The following GPHN variants were observed in gnomAD, a reference collection of about 807,000 sequenced individuals.
The protein encoded by GPHN is gephyrin.
In GPHN, 17 loss-of-function variants were observed where a neutral mutation model predicts 95.5. The ratio of observed to expected loss-of-function variants is 0.18; its 90% CI spans 0.12 to 0.27. The LOEUF (loss-of-function observed/expected upper bound fraction) is 0.27. GPHN is among the 10% of genes least tolerant of loss of function. The pLI is 1.00. For missense variants in GPHN, 660 were observed against 978.1 expected, an observed-to-expected ratio of 0.67 and a Z score of 4.34; for synonymous variants, 320 against 322.5, an observed-to-expected ratio of 0.99 and a Z score of 0.08.
chr14:66,642,813 G>C (rs2064499718), intron 1 of GPHN, among the ~76,000 whole-genome samples: 1 of 151,950 alleles, frequency 6.6e-6, no homozygotes, highest in East Asian at 1.9e-4. Context: ...TAGAAAATAT[G>C]CTTATTGACA....
At chr14:66,695,413 C>G (rs2068047007) in intron 2 of GPHN, among the ~76,000 whole-genome samples, 1 of 152,194 alleles carries the variant, frequency 6.6e-6, no homozygotes, top group Non-Finnish European at 1.5e-5. Flanking sequence ...GCAAGAAACT[C>G]TCATTAATTG....
chr14:67,085,527 A>G (rs2076849843), intron 11 of GPHN, among the ~76,000 whole-genome samples: 1 of 152,204 alleles, frequency 6.6e-6, no homozygotes, highest in South Asian at 2.1e-4. Flanking sequence ...AACTTAGCAT[A>G]TTAAATATAA....
chr14:66,961,935 TATATATATATATAC>T (rs1477515176), intron 8 of GPHN, among the ~76,000 whole-genome samples: 198 of 82,286 alleles, frequency 2.4e-3, no homozygotes, highest in African/African-American at 0.019. Context: ...TATATATATA[TATATATATATATAC>T]ACATATCTCC....
chr14:67,549,176 T>A, the GPHN span, among the ~76,000 whole-genome samples: 2 of 152,204 alleles, frequency 1.3e-5, no homozygotes, highest in African/African-American at 4.8e-5. Flanking sequence ...CAGGTCTTTG[T>A]GCTCACAGAT....
chr14:67,367,225 A>G, the GPHN span, among the ~76,000 whole-genome samples: 1 of 152,182 alleles, frequency 6.6e-6, no homozygotes. Flanking sequence ...TGCTAAAACA[A>G]AAAATCTATA....
At chr14:66,837,338 G>T (rs1374199337) in intron 4 of GPHN, among the ~76,000 whole-genome samples, 1 of 149,716 alleles carries the variant, frequency 6.7e-6, no homozygotes, top group African/African-American at 2.5e-5. Context: ...GTAAACTATC[G>T]CAAGAACAAA....
At chr14:66,715,163 T>C (rs1014230775) in intron 2 of GPHN, among the ~76,000 whole-genome samples, 5 of 152,196 alleles carry the variant, frequency 3.3e-5, no homozygotes, top group African/African-American at 1.2e-4. Context: ...CTGCTTGTTA[T>C]TGGTCTGTTC....
At chr14:66,850,638 T>G (rs1437708278) in intron 4 of GPHN, among the ~76,000 whole-genome samples, 1 of 152,108 alleles carries the variant, frequency 6.6e-6, no homozygotes, top group Non-Finnish European at 1.5e-5. Context: ...TGATATCAGG[T>G]GGGTAGAGCC....
the GPHN span, among the ~76,000 whole-genome samples, chr14:67,730,322 T>C: frequency 6.9e-4 from 105 of 152,318 alleles, no homozygotes; most frequent in Middle Eastern, 6.8e-3. Flanking sequence ...CATGTTGCTA[T>C]TGAGCACTTG....
At chr14:67,144,286 T>TACACATATATATATATATATATAC (rs2080764770) in intron 18 of GPHN, among the ~76,000 whole-genome samples, 1 of 78,124 alleles carries the variant, frequency 1.3e-5, no homozygotes, top group South Asian at 4.5e-4. Flanking sequence ...TATATATATA[T>TACACATATATATATATATATATAC]ACACACACAC....
At chr14:67,399,173 C>T in the GPHN span, among the ~76,000 whole-genome samples, 2 of 151,708 alleles carry the variant, frequency 1.3e-5, no homozygotes, top group East Asian at 1.9e-4. Context: ...GTGTGGCAGG[C>T]ATAAAGAGAA....
chr14:66,563,038 G>A (rs1253151925), intron 1 of GPHN, among the ~76,000 whole-genome samples: 1 of 152,046 alleles, frequency 6.6e-6, no homozygotes, highest in Non-Finnish European at 1.5e-5. Flanking sequence ...GACAGCTTTC[G>A]TGGGGAGATA....
At chr14:66,582,377 A>G (rs973586678) in intron 1 of GPHN, among the ~76,000 whole-genome samples, 2 of 149,804 alleles carry the variant, frequency 1.3e-5, no homozygotes, top group African/African-American at 4.9e-5. Flanking sequence ...CAACAAAAGC[A>G]TTTTATTTTA....
intron 1 of GPHN, among the ~76,000 whole-genome samples, chr14:66,661,986 C>T (rs2065686446): frequency 6.6e-6 from 1 of 152,210 alleles, no homozygotes; most frequent in East Asian, 1.9e-4. Context: ...CAGTCACTCC[C>T]ATGGATGTTC....
the GPHN span, among the ~76,000 whole-genome samples, chr14:67,660,987 T>C: frequency 6.6e-6 from 1 of 152,138 alleles, no homozygotes; most frequent in African/African-American, 2.4e-5. Context: ...AGTGGCCTGG[T>C]CTTTCTTAAA....
At chr14:67,198,723 T>C in the GPHN span, among the ~76,000 whole-genome samples, 307 of 152,320 alleles carry the variant, frequency 2.0e-3, 1 homozygote, top group African/African-American at 7.1e-3. Context: ...AGGTAAATTG[T>C]CAGATGGTGT....
chr14:67,181,128 A>G lies in GPHN; in HGVS notation c.*191A>G, dbSNP rs1350944054. ...AACACCTAAAAATAAATCTTAACAG[A>G]AAATTCTGTTCTGATTATATCAAGG... On this transcript the variant is annotated 3_prime_UTR_variant, in exon 23 of 23. Coordinates refer to ENST00000478722, the MANE Select transcript of GPHN (RefSeq NM_020806.5). The G allele has an allele frequency of 6.0e-6, 4 of 666,260 alleles. No homozygotes were observed. Among genetic ancestry groups the G allele is most frequent in the Non-Finnish European group, 1.0e-5 (4 of 397,376 alleles). 41.3% of individuals were successfully genotyped at this position (666,260 alleles called of 1,614,324 possible). A position where few individuals can be genotyped will look rare whatever the true frequency, so the allele number is the denominator to read the frequency against.
At chr14:67,392,518 G>T in the GPHN span, 2 of 1,245,544 alleles carry the variant, frequency 1.6e-6, no homozygotes, top group African/African-American at 1.5e-5. Context: ...AATTCCTCAG[G>T]ACAGGAACCT....
chr14:67,006,310 A>T (rs1594793188), intron 9 of GPHN, among the ~76,000 whole-genome samples: 2 of 152,230 alleles, frequency 1.3e-5, no homozygotes, highest in Admixed American at 1.3e-4. Flanking sequence ...CTGCCTCAGG[A>T]TACCAAAAAA....
Sources: gnomAD v4.1 joint callset for allele counts (sites outside exome capture counted in the v4.1 genomes callset) on GRCh38, gnomAD v4.1.1 for gene constraint, MANE v1.5 for transcripts, NCBI Gene and HGNC (gene_info 2026-07-23, HGNC 2026-07-21) for gene names.